Variants in PRIM2 observed in about 807,000 individuals in gnomAD.
PRIM2 encodes DNA primase large subunit.
PRIM2 carries 39 observed loss-of-function variants against 67.3 expected under a neutral mutation model. The observed-to-expected ratio is 0.58, with a 90% CI of 0.45 to 0.76. The LOEUF is 0.76. Ranked by LOEUF, PRIM2 falls within the 30% of genes least tolerant of loss-of-function variation. The pLI, the probability that PRIM2 is intolerant of heterozygous loss-of-function variation, is 0.00. For synonymous variants in PRIM2, 143 were observed against 198.7 expected (o/e 0.72, Z 2.36); for missense variants, 398 against 598.7 (o/e 0.66, Z 3.50).
At chr6:57,238,221 C>A in the PRIM2 span, among the ~76,000 whole-genome samples, 1 of 152,214 alleles carries the variant, frequency 6.6e-6, no homozygotes, top group East Asian at 1.9e-4. Flanking sequence ...ACCTAATAGA[C>A]ATCTACAGAA....
At chr6:57,301,979 T>C in the PRIM2 span, among the ~76,000 whole-genome samples, 8 of 152,188 alleles carry the variant, frequency 5.3e-5, no homozygotes, top group African/African-American at 1.7e-4. Flanking sequence ...TTATTCAGGA[T>C]AGGCACTTCA....
chr6:57,345,411 T>A (rs1408244921), intron 5 of PRIM2, among the ~76,000 whole-genome samples: 1 of 151,248 alleles, frequency 6.6e-6, no homozygotes. Flanking sequence ...AAGTGATTCA[T>A]CCACCTCAGC....
intron 9 of PRIM2, among the ~76,000 whole-genome samples, chr6:57,533,509 G>A (rs1480769513): frequency 6.6e-6 from 1 of 152,220 alleles, no homozygotes; most frequent in East Asian, 1.9e-4. Context: ...AGAAATAACA[G>A]TAGGGTTGCC....
At chr6:57,294,617 G>A in the PRIM2 span, among the ~76,000 whole-genome samples, 1 of 150,844 alleles carries the variant, frequency 6.6e-6, no homozygotes, top group East Asian at 1.9e-4. Flanking sequence ...ATAAGTATAT[G>A]TATAAATATA....
intron 12 of PRIM2, among the ~76,000 whole-genome samples, 163 bp downstream of exon 12, chr6:57,606,620 T>G (rs1211743488): frequency 6.6e-6 from 1 of 152,202 alleles, no homozygotes; most frequent in Admixed American, 6.5e-5. Flanking sequence ...CTTATCTGGT[T>G]TAGACTCTTG....
the PRIM2 span, among the ~76,000 whole-genome samples, chr6:57,290,569 G>A: frequency 5.9e-5 from 9 of 151,988 alleles, no homozygotes; most frequent in South Asian, 2.1e-4. Flanking sequence ...TCAGCACCAC[G>A]TCGCACTTAT....
At chr6:57,586,889 T>G (rs1776198245) in intron 10 of PRIM2, 1 of 152,174 alleles carries the variant, frequency 6.6e-6, no homozygotes, top group South Asian at 2.1e-4. Context: ...GGAAAAGTCA[T>G]AGTGAAGGCT....
chr6:57,333,992 T>C (rs568197771), intron 5 of PRIM2, among the ~76,000 whole-genome samples: 53 of 152,322 alleles, frequency 3.5e-4, no homozygotes, highest in African/African-American at 1.2e-3. Context: ...TGTTGTACAA[T>C]GGGTCTCTTG....
the PRIM2 span, among the ~76,000 whole-genome samples, chr6:57,278,779 C>T: frequency 4.6e-5 from 7 of 151,660 alleles, no homozygotes; most frequent in Non-Finnish European, 8.8e-5. Context: ...GGAGGGAAAG[C>T]GTGTCCAGCA....
intron 5 of PRIM2, among the ~76,000 whole-genome samples, chr6:57,366,160 G>T (rs1244663375): frequency 2.0e-5 from 3 of 152,094 alleles, no homozygotes; most frequent in Admixed American, 2.0e-4. Flanking sequence ...GTGCAACTTT[G>T]CAGAGGTAAC....
At chr6:57,305,726 A>G in the PRIM2 span, among the ~76,000 whole-genome samples, 1 of 152,210 alleles carries the variant, frequency 6.6e-6, no homozygotes, top group Non-Finnish European at 1.5e-5. Context: ...TTCTGGGTAG[A>G]TGGATCTTCA....
chr6:57,488,995 T>G (rs1309147613), intron 7 of PRIM2, among the ~76,000 whole-genome samples: 1 of 152,194 alleles, frequency 6.6e-6, no homozygotes, highest in African/African-American at 2.4e-5. Context: ...CCCTAAGAGA[T>G]ATGCGCAGCA....
intron 10 of PRIM2, among the ~76,000 whole-genome samples, chr6:57,583,835 A>G (rs1670866459): frequency 6.6e-6 from 1 of 152,296 alleles, no homozygotes; most frequent in African/African-American, 2.4e-5. Context: ...GAAGACTAGG[A>G]TTTTAATTTC....
Position 57,646,082 on chromosome 6 carries a change from C to G in PRIM2, c.1454C>G (p.Ser485Cys). ...GTCCAGAAAACCAAGGATGCATCAT[C>G]TGCTCTGGCCTCTTTAAATTCCTCT... The part of the protein sequence containing the change: ...PSVQKTKDAS[S>C]ALASLNSSLE... The change falls in exon 14 of 14, where the codon TCT becomes TGT. Residue 485 changes from serine (S) to cysteine (C), a missense_variant. Ser to Cys is a moderately radical substitution (Grantham distance 112). Transcript: ENST00000615550. The G allele has an allele frequency of 6.2e-7, 1 of 1,603,376 alleles. No individual in the cohort carries two copies. Among genetic ancestry groups the G allele is most frequent in the Non-Finnish European group, 8.5e-7 (1 of 1,170,282 alleles).
intron 7 of PRIM2, among the ~76,000 whole-genome samples, chr6:57,491,512 T>G (rs1220599928): frequency 5.3e-4 from 81 of 152,376 alleles, no homozygotes; most frequent in African/African-American, 7.0e-4. Context: ...ACATCTCTTT[T>G]TACTTTTGGG....
At chr6:57,247,681 G>A in the PRIM2 span, among the ~76,000 whole-genome samples, 1 of 152,112 alleles carries the variant, frequency 6.6e-6, no homozygotes, top group Non-Finnish European at 1.5e-5. Context: ...CCTATCTTAG[G>A]TTGTCATTTT....
intron 8 of PRIM2, among the ~76,000 whole-genome samples, chr6:57,512,322 G>A (rs1774388272): frequency 1.3e-5 from 2 of 152,122 alleles, no homozygotes; most frequent in Non-Finnish European, 2.9e-5. Flanking sequence ...CTTAAGATTG[G>A]TAAGATGAGC....
chr6:57,511,172 C>A (rs1554347680), intron 8 of PRIM2, among the ~76,000 whole-genome samples: 72,469 of 148,428 alleles, frequency 0.49, 17,770 homozygotes, highest in East Asian at 0.66. Flanking sequence ...GGTAACACTG[C>A]CAATCAAATA....
In PRIM2 at chr6:57,431,818, C is replaced by G. The variant is rs565330337; in HGVS notation, c.693+49650C>G. On this transcript the variant is annotated intron_variant, in intron 7 of 13. Coordinates refer to ENST00000615550, the MANE Select transcript of PRIM2 (RefSeq NM_000947.5). ...TAACTTCACTGTGTTTACCTTATCT[C>G]TCTTCCTTCACTAATGAAGATAACA... Among the ~76,000 whole-genome samples, 5 of 152,284 alleles carry G rather than the reference C, an allele frequency of 3.3e-5. No individual in the cohort carries two copies. In the South Asian group the frequency reaches 6.2e-4, roughly 19 times the overall value.
Sources: allele counts gnomAD v4.1 joint callset (sites outside exome capture counted in the v4.1 genomes callset), GRCh38; gene constraint gnomAD v4.1.1; transcripts MANE v1.5; gene names NCBI Gene and HGNC (gene_info 2026-07-23, HGNC 2026-07-21).